TNS1: variants seen among roughly 807,000 people sequenced by gnomAD.
The protein encoded by TNS1 is tensin-1.
A neutral mutation model predicts 168.6 loss-of-function variants in TNS1; 62 were observed. The ratio of observed to expected loss-of-function variants is 0.37; its 90% CI spans 0.30 to 0.45. TNS1 has a LOEUF of 0.45. Among genes scored for constraint, TNS1 ranks in the 20% least tolerant of loss-of-function variants. The pLI, the probability that TNS1 is intolerant of heterozygous loss-of-function variation, is 1.00. For missense variants in TNS1, 2,240 were observed against 2,339.4 expected (o/e 0.96, Z 0.88); for synonymous variants, 934 against 933.2 (o/e 1.00, Z -0.02).
intron 19 of TNS1, chr2:217,842,289 C>T (rs557289318): frequency 7.9e-4 from 445 of 559,956 alleles, no homozygotes; most frequent in Admixed American, 1.5e-3. Flanking sequence ...ATTTATCCAA[C>T]CACTGCAGAT....
intron 1 of TNS1, among the ~76,000 whole-genome samples, chr2:218,027,106 C>A (rs1419128277): frequency 6.6e-6 from 1 of 151,968 alleles, no homozygotes; most frequent in Non-Finnish European, 1.5e-5. Context: ...CGCACCCCAC[C>A]CCACAAACAC....
Position 217,821,844 on chromosome 2 carries a change from G to A in TNS1, c.3468C>T (p.Thr1156=). Residue 1156 remains threonine (T), a synonymous_variant, in exon 23 of 33, where the codon ACC becomes ACT. Transcript: ENST00000682258. ...SEPKSFSAPA[T]QAYGHEIPLR... is the part of the protein sequence containing the mutation. ...GGGGTATCTCATGGCCATAGGCCTGGGTGGCTGGAGCACTAAAGCTCTTGG... is the reference window on the plus strand; with the variant it reads ...GGGGTATCTCATGGCCATAGGCCTGAGTGGCTGGAGCACTAAAGCTCTTGG... 3.2e-6 allele frequency: 5 copies of A among 1,583,244 alleles called. No individual in the cohort carries two copies. Among genetic ancestry groups the A allele is most frequent in the Non-Finnish European group, 4.3e-6 (5 of 1,166,186 alleles).
At chr2:218,010,413 A>C (rs1958695642) in exon 1 of TNS1, 6 of 384,684 alleles carry the variant, frequency 1.6e-5, no homozygotes, top group Non-Finnish European at 2.3e-5. Flanking sequence ...CGCGGCCCGG[A>C]CTGGGCTCCA....
upstream of TNS1, among the ~76,000 whole-genome samples, chr2:218,003,218 CACA>C (rs1371350072): frequency 1.3e-5 from 2 of 149,608 alleles, no homozygotes; most frequent in African/African-American, 4.9e-5. Context: ...CCCCCGGACA[CACA>C]ACCCCTGTGT....
chr2:217,929,959 A>G (rs1036336542), intron 3 of TNS1, among the ~76,000 whole-genome samples: 6 of 152,186 alleles, frequency 3.9e-5, no homozygotes, highest in African/African-American at 1.2e-4. Context: ...TAAAATGCAC[A>G]TCCAGCAGTG....
At position 217,978,936 on chromosome 2, in the gene TNS1, A is replaced by C. The variant is rs1301906551; in HGVS notation, c.149-134T>G. ...GAGGGAAGGAGGGACGGAGGGAAGG[A>C]GAGAGGGAGAGAGGGAGGGGACGGA... is the stretch of plus-strand genomic sequence containing the variant. On this transcript the variant is annotated intron_variant, in intron 2 of 32. Coordinates refer to ENST00000682258, the MANE Select transcript of TNS1 (RefSeq NM_001387777.1). The C allele has an allele frequency of 4.6e-6, 3 of 650,066 alleles. No homozygotes were observed. The African/African-American group carries it at 5.4e-5, about 12-fold the overall frequency. The allele number at this position is 650,066 out of a possible 1,614,324, so 40.3% of individuals were successfully genotyped here. A position where few individuals can be genotyped will look rare whatever the true frequency, so the allele number is the denominator to read the frequency against.
intron 2 of TNS1, among the ~76,000 whole-genome samples, chr2:217,980,860 C>T (rs912169886): frequency 6.6e-6 from 1 of 152,148 alleles, no homozygotes; most frequent in African/African-American, 2.4e-5. Context: ...GTACACTCCC[C>T]CTCACCCCAG....
Position 217,848,212 on chromosome 2 carries a change from G to T in TNS1, c.2305C>A (p.Gln769Lys). The T allele has an allele frequency of 6.3e-7, 1 of 1,594,860 alleles. No homozygotes were observed. The highest frequency in any genetic ancestry group is 8.5e-7 in the Non-Finnish European group (1 of 1,171,042). Residue 769 changes from glutamine (Q) to lysine (K), a missense_variant, in exon 19 of 33, where the codon CAA becomes AAA. Physicochemically the swap from Gln to Lys is moderately conservative, Grantham distance 53 (BLOSUM62 1). This residue lies in a region of TNS1 where 2,131 missense variants were observed against 2,171.2 expected (regional missense o/e 0.98). Coordinates refer to ENST00000682258, the MANE Select transcript of TNS1 (RefSeq NM_001387777.1). ...VRGGSSREAVQRGLNSWQQQQ... is the reference protein window; with the variant it reads ...VRGGSSREAVKRGLNSWQQQQ... ...TGCTGCCACGAATTCAGTCCCCTTT[G>T]CACAGCCTCCCGGCTGCTTCCCCCT...
At chr2:217,991,595 C>G (rs1379009358) in intron 1 of TNS1, among the ~76,000 whole-genome samples, 2 of 152,160 alleles carry the variant, frequency 1.3e-5, no homozygotes, top group Non-Finnish European at 2.9e-5. Flanking sequence ...TTCCTTCACA[C>G]ACCATGAATC....
At chr2:217,850,748 A>T (rs1309271822) in intron 18 of TNS1, among the ~76,000 whole-genome samples, 1 of 152,122 alleles carries the variant, frequency 6.6e-6, no homozygotes, top group Admixed American at 6.5e-5. Context: ...AGACAAAAAG[A>T]CAGTAAGAGA....
At chr2:218,017,839 G>A (rs1413883019) in intron 1 of TNS1, among the ~76,000 whole-genome samples, 1 of 152,146 alleles carries the variant, frequency 6.6e-6, no homozygotes, top group Non-Finnish European at 1.5e-5. Context: ...TCCTGGCTCT[G>A]CCAGCTGCAC....
chr2:217,821,836 T>C lies in TNS1; in HGVS notation c.3476A>G (p.Tyr1159Cys). 6.3e-7 allele frequency: 1 copy of C among 1,580,674 alleles called. No individual in the cohort carries two copies. Reference sequence around the variant, plus strand: ...GTTCCTCAGGGGTATCTCATGGCCATAGGCCTGGGTGGCTGGAGCACTAAA... The same window carrying C: ...GTTCCTCAGGGGTATCTCATGGCCACAGGCCTGGGTGGCTGGAGCACTAAA... ...KSFSAPATQA[Y>C]GHEIPLRNGT... Residue 1159 changes from tyrosine to cysteine, a missense_variant, in exon 23 of 33, where the codon TAT (tyrosine) becomes TGT (cysteine). Coordinates refer to ENST00000682258, the MANE Select transcript of TNS1 (RefSeq NM_001387777.1).
chr2:217,927,561 A>G (rs1956096280), intron 3 of TNS1, among the ~76,000 whole-genome samples: 1 of 152,204 alleles, frequency 6.6e-6, no homozygotes, highest in Non-Finnish European at 1.5e-5. Flanking sequence ...GCAAGGATGT[A>G]TAGTCACATT....
Position 217,989,046 on chromosome 2 carries a change from C to T in TNS1, c.148+1896G>A, listed in dbSNP as rs1958282058. Among the ~76,000 whole-genome samples, 3 of 152,286 alleles carry T rather than the reference C, an allele frequency of 2.0e-5. 1 individual carries two copies. The South Asian group carries it at 6.2e-4, about 32-fold the overall frequency. On this transcript the variant is annotated intron_variant, in intron 2 of 32. Transcript: ENST00000682258. The stretch of plus-strand genomic sequence containing the variant: ...AGCCAGGGAGAGAAAGACTCATGAG[C>T]AAAGGCTCCGGGCAAAAAGGGCATG...
chr2:217,917,790 C>G (rs1450129322), intron 4 of TNS1, among the ~76,000 whole-genome samples: 1 of 146,144 alleles, frequency 6.8e-6, no homozygotes, highest in African/African-American at 2.6e-5. Context: ...AAGATCACAC[C>G]ACTGCACTCC....
rs1234637451 is a variant in TNS1, at chr2:217,907,219, T to C, written c.261A>G (p.Val87=). The part of the protein sequence containing the change: ...PITTENAPKN[V]VDKGEGASRG... The stretch of plus-strand genomic sequence containing the variant: ...ACCTGCCATCACTCACCTTGTCCAC[T>C]ACATTCTTTGGTGCATTCTCAGTGG... The change falls in exon 5 of 33, where the codon GTA becomes GTG. Residue 87 remains valine (V), a synonymous_variant. Transcript: ENST00000682258. 5.7e-6 allele frequency: 4 copies of C among 703,156 alleles called. No individual in the cohort carries two copies. The highest frequency in any genetic ancestry group is 7.8e-6 in the Non-Finnish European group (3 of 385,014). 43.6% of individuals were successfully genotyped at this position (703,156 alleles called of 1,614,324 possible). A position where few individuals can be genotyped will look rare whatever the true frequency, so the allele number is the denominator to read the frequency against.
chr2:217,879,259 A>G (rs1052638083), intron 18 of TNS1: 17 of 328,040 alleles, frequency 5.2e-5, no homozygotes, highest in African/African-American at 2.9e-4. Flanking sequence ...CGCATTGACC[A>G]TGCACCAAGA....
intron 2 of TNS1, among the ~76,000 whole-genome samples, chr2:217,982,566 G>A (rs757970220): frequency 3.9e-5 from 6 of 152,118 alleles, no homozygotes; most frequent in Non-Finnish European, 7.4e-5. Context: ...ACCATGCCCT[G>A]CTAATTCTTG....
intron 22 of TNS1, among the ~76,000 whole-genome samples, chr2:217,830,841 G>A (rs895993885): frequency 6.6e-6 from 1 of 152,236 alleles, no homozygotes; most frequent in Non-Finnish European, 1.5e-5. Context: ...CTGGGCTGAG[G>A]GCAAGGGGAT....
Sources: allele counts gnomAD v4.1 joint callset (sites outside exome capture counted in the v4.1 genomes callset), GRCh38; gene constraint gnomAD v4.1.1; regional missense constraint gnomAD v4.1.1; transcripts MANE v1.5; gene names NCBI Gene and HGNC (gene_info 2026-07-23, HGNC 2026-07-21).